RBMS1: variants seen among roughly 807,000 people sequenced by gnomAD.
The protein encoded by RBMS1 is RNA binding motif single stranded interacting protein 1, also known as RNA-binding motif, single-stranded-interacting protein 1.
A neutral mutation model predicts 62.3 loss-of-function variants in RBMS1; 17 were observed. That is an observed-to-expected ratio of 0.27 (90% CI 0.19 to 0.41). The LOEUF is 0.41. Among genes scored for constraint, RBMS1 ranks in the 10% least tolerant of loss-of-function variants. RBMS1 has a pLI of 1.00. For synonymous variants in RBMS1, 172 were observed against 170.0 expected (o/e 1.01, Z -0.09); for missense variants, 334 against 504.5 (o/e 0.66, Z 3.24).
intron 1 of RBMS1, among the ~76,000 whole-genome samples, chr2:160,487,921 C>T (rs943613732): frequency 1.3e-5 from 2 of 151,876 alleles, no homozygotes; most frequent in Non-Finnish European, 2.9e-5. Flanking sequence ...GCTTATTTTC[C>T]AGGGCTTGTT....
chr2:160,470,954 T>C (rs1428569201), intron 1 of RBMS1, among the ~76,000 whole-genome samples: 2 of 152,196 alleles, frequency 1.3e-5, no homozygotes, highest in African/African-American at 4.8e-5. Context: ...AAAGCATCTG[T>C]CCACAATAAA....
chr2:160,311,066 T>C (rs1689827060), intron 4 of RBMS1, among the ~76,000 whole-genome samples: 1 of 151,430 alleles, frequency 6.6e-6, no homozygotes, highest in South Asian at 2.1e-4. Flanking sequence ...TGGTGGCATG[T>C]GCCTGTAATC....
At chr2:160,482,122 A>G (rs900180692) in intron 1 of RBMS1, among the ~76,000 whole-genome samples, 3 of 152,230 alleles carry the variant, frequency 2.0e-5, no homozygotes, top group African/African-American at 7.2e-5. Flanking sequence ...TCCAATACAC[A>G]TAGCATTAAA....
chr2:160,410,601 G>A (rs907716826), intron 1 of RBMS1, among the ~76,000 whole-genome samples: 1 of 152,222 alleles, frequency 6.6e-6, no homozygotes, highest in South Asian at 2.1e-4. Context: ...TACAGGGACA[G>A]ATCCTGGTGA....
intron 1 of RBMS1, among the ~76,000 whole-genome samples, chr2:160,458,962 C>T (rs996053328): frequency 2.0e-5 from 3 of 152,182 alleles, no homozygotes; most frequent in Non-Finnish European, 2.9e-5. Context: ...TTTTCTGTAG[C>T]CACAAATCAG....
At chr2:160,319,833 C>T (rs1228083921) in intron 2 of RBMS1, among the ~76,000 whole-genome samples, 1 of 152,156 alleles carries the variant, frequency 6.6e-6, no homozygotes. Flanking sequence ...TTCTCTCCTT[C>T]AGTTAATCTT....
intron 1 of RBMS1, among the ~76,000 whole-genome samples, chr2:160,449,408 A>T (rs1357290451): frequency 6.6e-5 from 10 of 152,252 alleles, no homozygotes; most frequent in Admixed American, 6.5e-4. Context: ...GGGGAAAAGA[A>T]AGAGAGATCA....
intron 1 of RBMS1, among the ~76,000 whole-genome samples, chr2:160,447,909 A>G (rs906812621): frequency 5.9e-5 from 9 of 152,214 alleles, no homozygotes; most frequent in African/African-American, 2.2e-4. Context: ...CTCTGATCTG[A>G]GTCTTACTCA....
chr2:160,439,658 C>T (rs1683312152), intron 1 of RBMS1, among the ~76,000 whole-genome samples: 1 of 152,180 alleles, frequency 6.6e-6, no homozygotes, highest in African/African-American at 2.4e-5. Flanking sequence ...GGGGTGGCGG[C>T]CGGGCAGAGG....
At chr2:160,362,639 G>C (rs1693192025) in intron 2 of RBMS1, among the ~76,000 whole-genome samples, 2 of 152,108 alleles carry the variant, frequency 1.3e-5, no homozygotes, top group African/African-American at 4.8e-5. Context: ...CACCACAACA[G>C]ACATAATAAT....
At chr2:160,276,362 C>CCACCACCAA (rs1056801344) in intron 12 of RBMS1, among the ~76,000 whole-genome samples, 3 of 151,292 alleles carry the variant, frequency 2.0e-5, no homozygotes, top group African/African-American at 7.3e-5. Flanking sequence ...ACCACCACCA[C>CCACCACCAA]CACCACCAAC....
chr2:160,397,213 A>T (rs957270038), intron 1 of RBMS1, among the ~76,000 whole-genome samples: 2 of 151,904 alleles, frequency 1.3e-5, no homozygotes, highest in African/African-American at 4.8e-5. Flanking sequence ...TGCTCACCAA[A>T]TTCCCAAGAG....
intron 1 of RBMS1, among the ~76,000 whole-genome samples, chr2:160,452,920 T>C (rs1392614103): frequency 1.3e-5 from 2 of 152,238 alleles, no homozygotes; most frequent in East Asian, 3.8e-4. Context: ...TAAGTTGTGA[T>C]ATTTACATTT....
intron 1 of RBMS1, among the ~76,000 whole-genome samples, chr2:160,441,799 G>A (rs1457790174): frequency 6.6e-6 from 1 of 152,164 alleles, no homozygotes; most frequent in Non-Finnish European, 1.5e-5. Flanking sequence ...AATACCAAGT[G>A]CTATACATCC....
intron 1 of RBMS1, among the ~76,000 whole-genome samples, chr2:160,393,150 C>A (rs1694950519): frequency 1.3e-5 from 2 of 152,024 alleles, no homozygotes; most frequent in African/African-American, 4.8e-5. Context: ...ACAATCAACA[C>A]AAAACAGCCC....
intron 1 of RBMS1, among the ~76,000 whole-genome samples, chr2:160,376,565 T>C (rs1694010841): frequency 6.6e-6 from 1 of 152,164 alleles, no homozygotes; most frequent in Non-Finnish European, 1.5e-5. Context: ...TTAGAGAAAG[T>C]GAGTGATACT....
intron 2 of RBMS1, among the ~76,000 whole-genome samples, chr2:160,358,184 C>T (rs1573925630): frequency 1.3e-5 from 2 of 152,102 alleles, no homozygotes; most frequent in South Asian, 4.2e-4. Flanking sequence ...GGGCAGGGGA[C>T]GGGGGATGAT....
At chr2:160,481,580 A>C (rs570951127) in intron 1 of RBMS1, among the ~76,000 whole-genome samples, 16 of 152,286 alleles carry the variant, frequency 1.1e-4, no homozygotes, top group Admixed American at 7.2e-4. Context: ...AATATATTTT[A>C]AAACCTACAA....
intron 1 of RBMS1, among the ~76,000 whole-genome samples, chr2:160,395,032 CA>C (rs1573994561): frequency 6.6e-6 from 1 of 152,290 alleles, no homozygotes; most frequent in East Asian, 1.9e-4. Flanking sequence ...CAAACTGTTC[CA>C]AGAACACAAT....
Sources: allele counts gnomAD v4.1 joint callset (sites outside exome capture counted in the v4.1 genomes callset), GRCh38; gene constraint gnomAD v4.1.1; transcripts MANE v1.5; gene names NCBI Gene and HGNC (gene_info 2026-07-23, HGNC 2026-07-21).